The following ZZZ3 variants were observed in gnomAD, a reference collection of about 807,000 sequenced individuals.
The protein encoded by ZZZ3 is ZZ-type zinc finger-containing protein 3.
A neutral mutation model predicts 95.2 loss-of-function variants in ZZZ3; 22 were observed. The ratio of observed to expected loss-of-function variants is 0.23; its 90% CI spans 0.17 to 0.33. The LOEUF (loss-of-function observed/expected upper bound fraction) is 0.33, where lower values mean the gene tolerates loss of function less well. ZZZ3 is among the 10% of genes least tolerant of loss of function. The pLI, the probability that ZZZ3 is intolerant of heterozygous loss-of-function variation, is 1.00. For synonymous variants in ZZZ3, 335 were observed against 358.9 expected, an observed-to-expected ratio of 0.93 and a Z score of 0.75; for missense variants, 885 against 1,066.5, an observed-to-expected ratio of 0.83 and a Z score of 2.37.
At chr1:77,602,000 G>A (rs1570472703) in intron 5 of ZZZ3, among the ~76,000 whole-genome samples, 2 of 152,324 alleles carry the variant, frequency 1.3e-5, no homozygotes, top group South Asian at 4.2e-4. Context: ...TCTGCTGAAT[G>A]AGGATATGGC....
intron 5 of ZZZ3, among the ~76,000 whole-genome samples, chr1:77,615,961 T>A (rs745397250): frequency 5.3e-5 from 8 of 152,210 alleles, no homozygotes; most frequent in Non-Finnish European, 1.2e-4. Flanking sequence ...TTAACTAGTT[T>A]TTCTTTTTAA....
At chr1:77,649,458 T>C (rs955725121) in intron 1 of ZZZ3, among the ~76,000 whole-genome samples, 1 of 151,860 alleles carries the variant, frequency 6.6e-6, no homozygotes, top group African/African-American at 2.4e-5. Context: ...AAACCTATCA[T>C]AGACAGACAT....
chr1:77,613,447 C>T (rs1350368027), intron 5 of ZZZ3, among the ~76,000 whole-genome samples: 1 of 149,990 alleles, frequency 6.7e-6, no homozygotes. Context: ...TTCTTCACTG[C>T]TATTCCACGC....
intron 5 of ZZZ3, among the ~76,000 whole-genome samples, chr1:77,586,861 C>T (rs1663130793): frequency 6.6e-6 from 1 of 152,146 alleles, no homozygotes; most frequent in Non-Finnish European, 1.5e-5. Context: ...ATTATTTAAA[C>T]AAAACTGGGG....
At position 77,639,488 on chromosome 1, in the gene ZZZ3, C is replaced by T; in HGVS notation, c.-91G>A. Reference sequence around the variant, plus strand: ...ATCTATCATTGTGGAAATATAATCTCTTTTCCTTATATCCTGAAGGAGTTG... The same window carrying T: ...ATCTATCATTGTGGAAATATAATCTTTTTTCCTTATATCCTGAAGGAGTTG... On this transcript the variant is annotated 5_prime_UTR_variant, in exon 4 of 15. Transcript: ENST00000370801. 1.3e-6 allele frequency: 2 copies of T among 1,507,740 alleles called. No homozygotes were observed. The highest frequency in any genetic ancestry group is 1.8e-6 in the Non-Finnish European group (2 of 1,127,330). The allele number at this position is 1,507,740 out of a possible 1,614,324, so 93.4% of individuals were successfully genotyped here. A position where few individuals can be genotyped will look rare whatever the true frequency, so the allele number is the denominator to read the frequency against.
At chr1:77,654,185 C>CAA (rs749067016) in intron 1 of ZZZ3, among the ~76,000 whole-genome samples, 342 of 64,614 alleles carry the variant, frequency 5.3e-3, no homozygotes, top group East Asian at 6.3e-3. Flanking sequence ...GACTCCATCT[C>CAA]AAAAAAAAAA....
At chr1:77,646,438 G>A (rs1314221849) in intron 1 of ZZZ3, among the ~76,000 whole-genome samples, 1 of 151,988 alleles carries the variant, frequency 6.6e-6, no homozygotes, top group African/African-American at 2.4e-5. Flanking sequence ...GCCCAGGCTA[G>A]TCCTGAACTC....
chr1:77,567,955 T>C (rs546661512), intron 13 of ZZZ3, among the ~76,000 whole-genome samples: 6 of 152,338 alleles, frequency 3.9e-5, no homozygotes, highest in African/African-American at 1.4e-4. Flanking sequence ...ATGGCACCAC[T>C]GCTTTGCATA....
chr1:77,616,201 T>C (rs1666297548), intron 5 of ZZZ3, among the ~76,000 whole-genome samples: 1 of 152,194 alleles, frequency 6.6e-6, no homozygotes, highest in African/African-American at 2.4e-5. Context: ...ATCATTAGTG[T>C]TATTGGCTTC....
intron 5 of ZZZ3, among the ~76,000 whole-genome samples, chr1:77,604,787 C>T (rs1665070275): frequency 6.6e-6 from 1 of 152,158 alleles, no homozygotes; most frequent in African/African-American, 2.4e-5. Flanking sequence ...TAACCACATT[C>T]CAAAGTTTCC....
At chr1:77,576,620 T>C (rs1311720561) in intron 11 of ZZZ3, among the ~76,000 whole-genome samples, 1 of 152,208 alleles carries the variant, frequency 6.6e-6, no homozygotes, top group African/African-American at 2.4e-5. Flanking sequence ...GGAAAATTTC[T>C]ATAACATTAT....
chr1:77,643,303 C>G (rs996077089), intron 1 of ZZZ3, among the ~76,000 whole-genome samples: 5 of 152,186 alleles, frequency 3.3e-5, no homozygotes, highest in Non-Finnish European at 5.9e-5. Context: ...TTCTTCACCT[C>G]ATTCAATATA....
intron 5 of ZZZ3, 91 bp downstream of exon 5, chr1:77,631,759 T>C (rs1270328299): frequency 9.5e-7 from 1 of 1,048,582 alleles, no homozygotes; most frequent in African/African-American, 1.6e-5. Context: ...AACATTAATT[T>C]TGGCTGTAAT....
rs142951847 is a variant in ZZZ3 at position 77,575,145 on chromosome 1, C to G, written c.2331+923G>C. 2.9e-3 allele frequency among the ~76,000 whole-genome samples: 437 copies of G among 152,256 alleles called. 8 individuals are homozygous for G. Among genetic ancestry groups the G allele is most frequent in the African/African-American group, 1.0e-2 (414 of 41,540 alleles). Reference sequence around the variant, plus strand: ...GCTGCAGTGAGCCGAGATTGCACCACTGCACTCCTGCCTGGGCGACAGAGC... The same window carrying G: ...GCTGCAGTGAGCCGAGATTGCACCAGTGCACTCCTGCCTGGGCGACAGAGC... On this transcript the variant is annotated intron_variant, in intron 12 of 14. Coordinates refer to ENST00000370801, the MANE Select transcript of ZZZ3 (RefSeq NM_015534.6).
intron 1 of ZZZ3, among the ~76,000 whole-genome samples, chr1:77,675,540 C>T (rs1672178987): frequency 6.6e-6 from 1 of 152,072 alleles, no homozygotes; most frequent in Non-Finnish European, 1.5e-5. Context: ...AAGGAAATTA[C>T]ATCACATCGA....
At chr1:77,670,478 C>T (rs1282651864) in intron 1 of ZZZ3, among the ~76,000 whole-genome samples, 1 of 151,936 alleles carries the variant, frequency 6.6e-6, no homozygotes, top group Non-Finnish European at 1.5e-5. Flanking sequence ...GGGCTGGTCT[C>T]GAACTCCTGA....
intron 5 of ZZZ3, among the ~76,000 whole-genome samples, chr1:77,616,256 A>G (rs931327742): frequency 6.6e-6 from 1 of 152,208 alleles, no homozygotes; most frequent in African/African-American, 2.4e-5. Context: ...CTAATGCCCA[A>G]GAACACTCTG....
chr1:77,594,487 G>C (rs1340939291), intron 5 of ZZZ3, among the ~76,000 whole-genome samples: 3 of 152,028 alleles, frequency 2.0e-5, no homozygotes, highest in African/African-American at 7.2e-5. Context: ...TCAAGAAACA[G>C]AAAGTGCTCA....
At chr1:77,629,070 C>G (rs189064549) in intron 5 of ZZZ3, among the ~76,000 whole-genome samples, 1 of 152,198 alleles carries the variant, frequency 6.6e-6, no homozygotes, top group African/African-American at 2.4e-5. Context: ...AAGCACCAGA[C>G]AGGTGTCATG....
Sources: allele counts gnomAD v4.1 joint callset (sites outside exome capture counted in the v4.1 genomes callset), GRCh38; gene constraint gnomAD v4.1.1; transcripts MANE v1.5; gene names NCBI Gene and HGNC (gene_info 2026-07-23, HGNC 2026-07-21).